EXPH5: variants seen among roughly 807,000 people sequenced by gnomAD.
The protein encoded by EXPH5 is exophilin-5.
Under a neutral mutation model 41.1 loss-of-function variants are expected in EXPH5, and 42 were observed. That is an observed-to-expected ratio of 1.02 (90% confidence interval 0.80 to 1.32). The LOEUF (loss-of-function observed/expected upper bound fraction) is 1.32, where lower values mean the gene tolerates loss of function less well. Among genes scored for constraint, EXPH5 ranks in the 40% most tolerant of loss-of-function variants. The pLI, the probability that EXPH5 is intolerant of heterozygous loss-of-function variation, is 0.00. For missense variants in EXPH5, 2,298 were observed against 2,314.5 expected, an observed-to-expected ratio of 0.99 and a Z score of 0.15; for synonymous variants, 798 against 833.5, an observed-to-expected ratio of 0.96 and a Z score of 0.73.
intron 2 of EXPH5, among the ~76,000 whole-genome samples, chr11:108,540,509 ATAT>A (rs2093906882): frequency 6.6e-6 from 1 of 152,114 alleles, no homozygotes; most frequent in Non-Finnish European, 1.5e-5. Flanking sequence ...GAGTTGCAAG[ATAT>A]TATCAACATA....
intron 1 of EXPH5, among the ~76,000 whole-genome samples, chr11:108,587,648 A>G (rs2094117200): frequency 6.6e-6 from 1 of 152,258 alleles, no homozygotes; most frequent in Non-Finnish European, 1.5e-5. Flanking sequence ...TATTTTTTAA[A>G]AGACATTTTT....
upstream of EXPH5, among the ~76,000 whole-genome samples, chr11:108,598,536 CA>C (rs2136137390): frequency 6.6e-6 from 1 of 151,764 alleles, no homozygotes; most frequent in Non-Finnish European, 1.5e-5. Flanking sequence ...AGAAAATTAA[CA>C]GAGTGATATG....
At chr11:108,555,382 T>C (rs776761924) in intron 1 of EXPH5, among the ~76,000 whole-genome samples, 2 of 152,238 alleles carry the variant, frequency 1.3e-5, no homozygotes, top group Non-Finnish European at 2.9e-5. Flanking sequence ...CATTTATTGA[T>C]TCAACTAACA....
At chr11:108,543,946 G>A (rs2093925892) in intron 1 of EXPH5, among the ~76,000 whole-genome samples, 1 of 152,128 alleles carries the variant, frequency 6.6e-6, no homozygotes, top group African/African-American at 2.4e-5. Flanking sequence ...AATATTGGCT[G>A]CCTCTAACTT....
intron 1 of EXPH5, among the ~76,000 whole-genome samples, chr11:108,573,453 G>A (rs2094069834): frequency 6.6e-6 from 1 of 152,218 alleles, no homozygotes; most frequent in Non-Finnish European, 1.5e-5. Flanking sequence ...TATGTATGTT[G>A]TATAGGTATA....
upstream of EXPH5, among the ~76,000 whole-genome samples, chr11:108,598,455 T>G (rs1313351515): frequency 6.6e-6 from 1 of 152,138 alleles, no homozygotes. Flanking sequence ...AGTTTGCACT[T>G]CCTTGGAAAG....
Position 108,509,435 on chromosome 11 carries a change from G to A in EXPH5, c.*102C>T, listed in dbSNP as rs576704689. On this transcript the variant is annotated 3_prime_UTR_variant, in exon 6 of 6. Coordinates refer to ENST00000265843, the MANE Select transcript of EXPH5 (RefSeq NM_015065.3). ...TGTGGGACATTTCAGAGCAGACACT[G>A]CCCAGACTAGATCTTTTATCCTTCC... is the stretch of plus-strand genomic sequence containing the variant. 2 of 1,150,874 alleles carry A rather than the reference G, an allele frequency of 1.7e-6. No individual in the cohort carries two copies. Among genetic ancestry groups the A allele is most frequent in the East Asian group, 2.4e-5 (1 of 41,694 alleles). The allele number at this position is 1,150,874 out of a possible 1,614,324, so 71.3% of individuals were successfully genotyped here. A position where few individuals can be genotyped will look rare whatever the true frequency, so the allele number is the denominator to read the frequency against.
chr11:108,547,720 C>T (rs1398631199), intron 1 of EXPH5, among the ~76,000 whole-genome samples: 2 of 151,920 alleles, frequency 1.3e-5, no homozygotes, highest in Non-Finnish European at 2.9e-5. Flanking sequence ...AAATATGTTA[C>T]ATTTCTTTGA....
chr11:108,556,221 G>A (rs1473447485), intron 1 of EXPH5, among the ~76,000 whole-genome samples: 2 of 151,370 alleles, frequency 1.3e-5, no homozygotes, highest in Non-Finnish European at 2.9e-5. Flanking sequence ...AAGGGTTAAA[G>A]CAGGGGAACC....
chr11:108,584,514 T>C (rs1036197618), intron 1 of EXPH5, among the ~76,000 whole-genome samples: 2 of 150,714 alleles, frequency 1.3e-5, no homozygotes, highest in African/African-American at 4.9e-5. Context: ...CTACTTGACG[T>C]TAAGACCTAC....
rs780739010 is a variant in EXPH5, at chr11:108,513,105, T to C, written c.2402A>G (p.Asn801Ser). ...DIKQDKRFTE[N>S]RKLGSTASLP... ...GGAAGCTGTTGAGCCAAGTTTTCTGTTTTCAGTAAACCTCTTATCTTGTTT... is the reference window on the plus strand; with the variant it reads ...GGAAGCTGTTGAGCCAAGTTTTCTGCTTTCAGTAAACCTCTTATCTTGTTT... The change falls in exon 6 of 6, where the codon AAC (asparagine) becomes AGC (serine). Residue 801 changes from asparagine (N) to serine (S), a missense_variant. Asn to Ser is a conservative substitution (Grantham distance 46). Transcript: ENST00000265843. 6.2e-7 allele frequency: 1 copy of C among 1,610,856 alleles called. No individual in the cohort carries two copies. The highest frequency in any genetic ancestry group is 8.5e-7 in the Non-Finnish European group (1 of 1,179,172).
chr11:108,512,293 G>A lies in EXPH5; in HGVS notation c.3214C>T (p.Pro1072Ser). 6.2e-7 allele frequency: 1 copy of A among 1,613,704 alleles called. No homozygotes were observed. Among genetic ancestry groups the A allele is most frequent in the Non-Finnish European group, 8.5e-7 (1 of 1,179,878 alleles). Residue 1072 changes from proline to serine, a missense_variant, in exon 6 of 6, where the codon CCC becomes TCC. Pro to Ser is a moderately conservative substitution (Grantham distance 74). Coordinates refer to ENST00000265843, the MANE Select transcript of EXPH5 (RefSeq NM_015065.3). ...MGNYMLNKFS[P>S]SSPESANECS... ...TCATTCGCTGACTCAGGAGAACTGG[G>A]ACTAAATTTGTTTAACATATAGTTC...
At chr11:108,569,838 G>A (rs1200883680) in intron 1 of EXPH5, among the ~76,000 whole-genome samples, 1 of 60,778 alleles carries the variant, frequency 1.6e-5, no homozygotes, top group Non-Finnish European at 4.0e-5. Context: ...GGAACACGGA[G>A]GTGCCTAGAC....
intron 3 of EXPH5, chr11:108,538,070 G>A (rs1322420642): frequency 8.1e-6 from 8 of 985,424 alleles, no homozygotes; most frequent in Non-Finnish European, 9.6e-6. Flanking sequence ...TCGGGTGAAA[G>A]CTGGAAGTGA....
chr11:108,578,860 C>T (rs11820265), intron 1 of EXPH5, among the ~76,000 whole-genome samples: 64,499 of 152,090 alleles, frequency 0.42, 13,916 homozygotes, highest in Middle Eastern at 0.56. Context: ...TTGTATCCTG[C>T]AACTTGACTG....
intron 1 of EXPH5, among the ~76,000 whole-genome samples, chr11:108,588,502 C>T (rs1298978872): frequency 3.3e-5 from 5 of 152,160 alleles, no homozygotes; most frequent in Non-Finnish European, 7.4e-5. Context: ...AAATCGGACA[C>T]TCCCTAGCAG....
At chr11:108,592,127 T>C (rs1419042356) in intron 1 of EXPH5, among the ~76,000 whole-genome samples, 2 of 152,144 alleles carry the variant, frequency 1.3e-5, no homozygotes, top group Admixed American at 1.3e-4. Flanking sequence ...TGTGTGGGTG[T>C]GGCATACTGT....
At chr11:108,560,373 C>T (rs1213620237) in intron 1 of EXPH5, among the ~76,000 whole-genome samples, 7 of 152,196 alleles carry the variant, frequency 4.6e-5, no homozygotes, top group Admixed American at 4.6e-4. Flanking sequence ...TTTTCCAATT[C>T]CTCTCTGGCA....
At chr11:108,560,051 A>C (rs1197680662) in intron 1 of EXPH5, among the ~76,000 whole-genome samples, 1 of 152,176 alleles carries the variant, frequency 6.6e-6, no homozygotes, top group Non-Finnish European at 1.5e-5. Flanking sequence ...CTAGTCAAAT[A>C]TGCAAGCCAG....
Sources: gnomAD v4.1 joint callset for allele counts (sites outside exome capture counted in the v4.1 genomes callset) on GRCh38, gnomAD v4.1.1 for gene constraint, MANE v1.5 for transcripts, NCBI Gene and HGNC (gene_info 2026-07-23, HGNC 2026-07-21) for gene names.